ZFYVE9: variants seen among roughly 807,000 people sequenced by gnomAD.
ZFYVE9 encodes the protein zinc finger FYVE-type containing 9.
In ZFYVE9, 43 loss-of-function variants were observed where a neutral mutation model predicts 126.7. That is an observed-to-expected ratio of 0.34 (90% CI 0.27 to 0.44). The LOEUF (loss-of-function observed/expected upper bound fraction) is 0.44, where lower values mean the gene tolerates loss of function less well. ZFYVE9 is among the 20% of genes least tolerant of loss of function. The pLI, the probability that ZFYVE9 is intolerant of heterozygous loss-of-function variation, is 1.00. For missense variants in ZFYVE9, 1,476 were observed against 1,697.0 expected, an observed-to-expected ratio of 0.87 and a Z score of 2.29; for synonymous variants, 521 against 597.4, an observed-to-expected ratio of 0.87 and a Z score of 1.87.
chr1:52,315,299 A>AT (rs1177149228), intron 13 of ZFYVE9, among the ~76,000 whole-genome samples: 1 of 152,112 alleles, frequency 6.6e-6, no homozygotes, highest in African/African-American at 2.4e-5. Flanking sequence ...ATGGTGGCAC[A>AT]TACCAGTATT....
chr1:52,198,980 T>G (rs1420335109), intron 1 of ZFYVE9, among the ~76,000 whole-genome samples: 3 of 152,218 alleles, frequency 2.0e-5, no homozygotes, highest in Non-Finnish European at 4.4e-5. Flanking sequence ...TCATTTATCA[T>G]AATGATATAA....
intron 12 of ZFYVE9, among the ~76,000 whole-genome samples, chr1:52,300,423 C>T (rs1321857388): frequency 1.3e-5 from 2 of 151,906 alleles, no homozygotes; most frequent in African/African-American, 4.8e-5. Flanking sequence ...AACCCCGTCT[C>T]TACTAAAACT....
At chr1:52,282,867 TGTA>T (rs1645817879) in intron 10 of ZFYVE9, among the ~76,000 whole-genome samples, 1 of 152,206 alleles carries the variant, frequency 6.6e-6, no homozygotes, top group Non-Finnish European at 1.5e-5. Flanking sequence ...ATGAAAAGAA[TGTA>T]GTAACATGGA....
chr1:52,297,548 CTTAATG>C (rs1645989816), intron 12 of ZFYVE9, among the ~76,000 whole-genome samples: 1 of 151,856 alleles, frequency 6.6e-6, no homozygotes, highest in Admixed American at 6.6e-5. Context: ...CAAAACACTT[CTTAATG>C]TTAATATGCC....
At chr1:52,286,935 A>T (rs1645867388) in intron 10 of ZFYVE9, among the ~76,000 whole-genome samples, 1 of 151,790 alleles carries the variant, frequency 6.6e-6, no homozygotes, top group South Asian at 2.1e-4. Flanking sequence ...TGATTATGCT[A>T]CTCCCAACCG....
chr1:52,306,324 T>A (rs1017518469), intron 13 of ZFYVE9, among the ~76,000 whole-genome samples: 2 of 152,072 alleles, frequency 1.3e-5, no homozygotes, highest in Non-Finnish European at 1.5e-5. Context: ...CTGCAGACGC[T>A]GAGATGACCA....
rs1645969121 is a variant in ZFYVE9, at chr1:52,295,876, T to A, written c.3251-19T>A. ...TTTATGTTGCCAAATTTAAGTTTGATCATTTCTCATTTCCATAGTTTATCC... is the reference window on the plus strand; with the variant it reads ...TTTATGTTGCCAAATTTAAGTTTGAACATTTCTCATTTCCATAGTTTATCC... On this transcript the variant is annotated intron_variant, in intron 11 of 18. Transcript: ENST00000287727. The A allele has an allele frequency of 6.3e-7, 1 of 1,599,920 alleles. No homozygotes were observed. Among genetic ancestry groups the A allele is most frequent in the Non-Finnish European group, 8.5e-7 (1 of 1,174,428 alleles).
chr1:52,222,328 A>G (rs1471114811), intron 2 of ZFYVE9, among the ~76,000 whole-genome samples: 2 of 152,210 alleles, frequency 1.3e-5, no homozygotes, highest in Non-Finnish European at 2.9e-5. Flanking sequence ...GTTGTTTTCT[A>G]TCAGAGTCAG....
chr1:52,150,923 GC>G (rs1331528122), intron 1 of ZFYVE9, among the ~76,000 whole-genome samples: 1 of 151,646 alleles, frequency 6.6e-6, no homozygotes, highest in Non-Finnish European at 1.5e-5. Flanking sequence ...ATAAAACACT[GC>G]CAGTTTGAAA....
At chr1:52,163,951 C>T (rs1461805471) in intron 1 of ZFYVE9, among the ~76,000 whole-genome samples, 1 of 151,888 alleles carries the variant, frequency 6.6e-6, no homozygotes, top group Non-Finnish European at 1.5e-5. Flanking sequence ...TGAATATGAC[C>T]CAAATTTCTA....
chr1:52,278,719 CTTTTTTTTTTTCT>C, intron 9 of ZFYVE9, 105 bp downstream of exon 9: 1 of 531,442 alleles, frequency 1.9e-6, no homozygotes, highest in Non-Finnish European at 2.9e-6. Flanking sequence ...AGAGCCACAT[CTTTTTTTTTTTCT>C]TTTTTTTTTT....
chr1:52,251,528 T>C (rs911142953), intron 4 of ZFYVE9, among the ~76,000 whole-genome samples: 1 of 152,214 alleles, frequency 6.6e-6, no homozygotes. Context: ...AGTTGAATTA[T>C]CCTTGCATTC....
chr1:52,284,139 A>G (rs1437426433), intron 10 of ZFYVE9, among the ~76,000 whole-genome samples: 1 of 152,152 alleles, frequency 6.6e-6, no homozygotes, highest in Non-Finnish European at 1.5e-5. Flanking sequence ...GATTTGGCAG[A>G]GGTAAGGGAA....
chr1:52,177,539 A>T (rs1644647577), intron 1 of ZFYVE9, among the ~76,000 whole-genome samples: 1 of 152,220 alleles, frequency 6.6e-6, no homozygotes, highest in African/African-American at 2.4e-5. Flanking sequence ...AGTGCTAGAT[A>T]TAGAAAAAGG....
chr1:52,312,870 C>T (rs1039407212), intron 13 of ZFYVE9, among the ~76,000 whole-genome samples: 6 of 152,108 alleles, frequency 3.9e-5, no homozygotes, highest in Admixed American at 3.9e-4. Context: ...AAGTTGTAAC[C>T]TCCCAGTACC....
intron 14 of ZFYVE9, among the ~76,000 whole-genome samples, chr1:52,333,620 C>T (rs776063028): frequency 3.3e-5 from 5 of 152,086 alleles, no homozygotes; most frequent in Admixed American, 6.5e-5. Context: ...TTAAAAACTT[C>T]ACATGAAAAA....
At chr1:52,222,382 T>C (rs1645131622) in intron 2 of ZFYVE9, among the ~76,000 whole-genome samples, 1 of 152,224 alleles carries the variant, frequency 6.6e-6, no homozygotes, top group East Asian at 1.9e-4. Context: ...TATCTTCTGC[T>C]GAAGGGCAAG....
intron 8 of ZFYVE9, among the ~76,000 whole-genome samples, chr1:52,277,704 T>G (rs997179283): frequency 1.3e-5 from 2 of 152,210 alleles, no homozygotes; most frequent in African/African-American, 4.8e-5. Flanking sequence ...ACTTTTAGGT[T>G]TTCAGTTCCT....
At chr1:52,318,370 ATGTGTGTGTGTGTGTGTGTGTGTG>A (rs59683935) in intron 13 of ZFYVE9, among the ~76,000 whole-genome samples, 123 of 144,400 alleles carry the variant, frequency 8.5e-4, no homozygotes, top group African/African-American at 2.6e-3. Context: ...GCATGATTGT[ATGTGTGTGTGTGTGTGTGTGTGTG>A]TGTGTGTGTG....
Sources: gnomAD v4.1 joint callset for allele counts (sites outside exome capture counted in the v4.1 genomes callset) on GRCh38, gnomAD v4.1.1 for gene constraint, MANE v1.5 for transcripts, NCBI Gene and HGNC (gene_info 2026-07-23, HGNC 2026-07-21) for gene names.